Variants in BRINP1 observed in about 807,000 individuals in gnomAD.
BRINP1 encodes the protein BMP/retinoic acid inducible neural specific 1.
In BRINP1, 17 loss-of-function variants were observed where a neutral mutation model predicts 72.9. That is an observed-to-expected ratio of 0.23 (90% confidence interval 0.16 to 0.35). The LOEUF (loss-of-function observed/expected upper bound fraction) is 0.35, where lower values mean the gene tolerates loss of function less well. BRINP1 is among the 10% of genes least tolerant of loss of function. BRINP1 has a pLI of 1.00. For synonymous variants in BRINP1, 418 were observed against 378.5 expected (o/e 1.10, Z -1.21); for missense variants, 850 against 1,001.6 (o/e 0.85, Z 2.04).
At chr9:119,349,976 A>G (rs1207086567) in intron 1 of BRINP1, among the ~76,000 whole-genome samples, 1 of 151,974 alleles carries the variant, frequency 6.6e-6, no homozygotes. Context: ...CTCTTCTTCC[A>G]TCTTTGAAGT....
intron 7 of BRINP1, among the ~76,000 whole-genome samples, chr9:119,193,325 T>C (rs1269138430): frequency 6.6e-6 from 1 of 151,808 alleles, no homozygotes; most frequent in Non-Finnish European, 1.5e-5. Context: ...GACACGGAAA[T>C]ACAAATATTG....
chr9:119,309,385 T>A (rs1022965339), intron 2 of BRINP1, among the ~76,000 whole-genome samples: 3 of 152,182 alleles, frequency 2.0e-5, no homozygotes, highest in African/African-American at 7.2e-5. Flanking sequence ...GACCAGCTTT[T>A]GAATCCCAGC....
intron 1 of BRINP1, among the ~76,000 whole-genome samples, chr9:119,326,887 C>T (rs548599757): frequency 6.6e-6 from 1 of 152,288 alleles, no homozygotes; most frequent in East Asian, 1.9e-4. Context: ...CTGGAGATGA[C>T]ATCTAGATGA....
intron 1 of BRINP1, among the ~76,000 whole-genome samples, chr9:119,360,862 C>CTAAG (rs1033642993): frequency 1.3e-5 from 2 of 152,164 alleles, no homozygotes; most frequent in African/African-American, 4.8e-5. Context: ...AGGCCATTTG[C>CTAAG]TAAGAGCCCT....
intron 3 of BRINP1, among the ~76,000 whole-genome samples, chr9:119,248,569 C>T (rs1830346811): frequency 1.3e-5 from 2 of 152,146 alleles, no homozygotes; most frequent in South Asian, 4.1e-4. Flanking sequence ...AGGATAACCT[C>T]GATTTATCAG....
intron 7 of BRINP1, among the ~76,000 whole-genome samples, chr9:119,204,612 T>C (rs1829834393): frequency 1.3e-5 from 2 of 152,212 alleles, no homozygotes. Flanking sequence ...GAACAGTGCC[T>C]GACCTTTAGA....
chr9:119,255,954 CAAAAAAAAAAAAAAA>C (rs58972395), intron 2 of BRINP1, among the ~76,000 whole-genome samples: 5 of 53,498 alleles, frequency 9.3e-5, no homozygotes, highest in African/African-American at 3.1e-4. Context: ...GACTCCAGCT[CAAAAAAAAAAAAAAA>C]AAAAAAAAAA....
chr9:119,243,060 A>AT (rs1021666267), intron 3 of BRINP1, among the ~76,000 whole-genome samples: 71 of 151,166 alleles, frequency 4.7e-4, no homozygotes, highest in African/African-American at 1.5e-3. Context: ...ACTGGTGCAA[A>AT]TTTTTTTTTA....
chr9:119,216,205 A>T (rs1377218171), intron 5 of BRINP1, among the ~76,000 whole-genome samples: 1 of 152,242 alleles, frequency 6.6e-6, no homozygotes, highest in Non-Finnish European at 1.5e-5. Flanking sequence ...GGCAGTCTTC[A>T]CATATTTGCA....
chr9:119,345,408 C>T (rs1229868988), intron 1 of BRINP1, among the ~76,000 whole-genome samples: 2 of 152,168 alleles, frequency 1.3e-5, no homozygotes, highest in East Asian at 1.9e-4. Context: ...TCAATCTCTT[C>T]CATCCCAAAA....
intron 1 of BRINP1, among the ~76,000 whole-genome samples, chr9:119,314,407 C>T (rs956617189): frequency 6.6e-6 from 1 of 152,084 alleles, no homozygotes; most frequent in African/African-American, 2.4e-5. Flanking sequence ...ACTCTCTCAC[C>T]CAGGCTGGAG....
intron 1 of BRINP1, among the ~76,000 whole-genome samples, chr9:119,346,621 GA>G (rs200187817): frequency 2.0e-5 from 3 of 149,932 alleles, no homozygotes; most frequent in Admixed American, 6.7e-5. Flanking sequence ...GTACGTACAT[GA>G]AAAAAAAACA....
At chr9:119,263,056 G>A (rs192453388) in intron 2 of BRINP1, among the ~76,000 whole-genome samples, 66 of 152,222 alleles carry the variant, frequency 4.3e-4, no homozygotes, top group African/African-American at 1.5e-3. Flanking sequence ...AGGGGATAGC[G>A]ATGAACGCAG....
At chr9:119,171,897 A>AAAT (rs1829415020) in intron 7 of BRINP1, among the ~76,000 whole-genome samples, 1 of 125,600 alleles carries the variant, frequency 8.0e-6, no homozygotes, top group Non-Finnish European at 1.6e-5. Context: ...GTACATAACG[A>AAAT]AATGAAGGCA....
intron 1 of BRINP1, among the ~76,000 whole-genome samples, chr9:119,317,411 A>C (rs1831135748): frequency 6.6e-6 from 1 of 152,208 alleles, no homozygotes; most frequent in Non-Finnish European, 1.5e-5. Context: ...GATATGACTG[A>C]ATTGCTGCAA....
At chr9:119,240,193 CG>C (rs1296569902) in intron 4 of BRINP1, among the ~76,000 whole-genome samples, 2 of 152,108 alleles carry the variant, frequency 1.3e-5, no homozygotes, top group East Asian at 3.9e-4. Context: ...CGCTTGAAAC[CG>C]GGAACTGGAG....
At chr9:119,230,924 T>C (rs1038085580) in intron 5 of BRINP1, among the ~76,000 whole-genome samples, 1 of 152,012 alleles carries the variant, frequency 6.6e-6, no homozygotes, top group African/African-American at 2.4e-5. Flanking sequence ...CATCTCCTAA[T>C]GATCTCTATC....
chr9:119,268,251 GATA>G (rs1830571799), intron 2 of BRINP1, among the ~76,000 whole-genome samples: 1 of 44,770 alleles, frequency 2.2e-5, no homozygotes, highest in African/African-American at 2.1e-4. Flanking sequence ...TCAATAAATA[GATA>G]GATAGATAGA....
At chr9:119,217,601 T>C (rs374829417) in intron 5 of BRINP1, among the ~76,000 whole-genome samples, 2 of 152,192 alleles carry the variant, frequency 1.3e-5, no homozygotes, top group East Asian at 3.9e-4. Flanking sequence ...GCAATGTATA[T>C]GTGGGAACAC....
Sources: allele counts gnomAD v4.1 joint callset (sites outside exome capture counted in the v4.1 genomes callset), GRCh38; gene constraint gnomAD v4.1.1; transcripts MANE v1.5; gene names NCBI Gene and HGNC (gene_info 2026-07-23, HGNC 2026-07-21).